Variants in LDLRAD4 observed in about 807,000 individuals in gnomAD.
The protein encoded by LDLRAD4 is low-density lipoprotein receptor class A domain-containing protein 4.
A neutral mutation model predicts 17.0 loss-of-function variants in LDLRAD4; 5 were observed. The ratio of observed to expected loss-of-function variants is 0.29; its 90% CI spans 0.15 to 0.62. LDLRAD4 has a LOEUF of 0.62. Ranked by LOEUF, LDLRAD4 falls within the 20% of genes least tolerant of loss-of-function variation. The pLI is 0.84. For synonymous variants in LDLRAD4, 168 were observed against 171.8 expected, an observed-to-expected ratio of 0.98 and a Z score of 0.17; for missense variants, 340 against 424.7, an observed-to-expected ratio of 0.80 and a Z score of 1.75.
At chr18:13,490,274 A>C (rs1205580035) in intron 3 of LDLRAD4, 1 of 152,238 alleles carries the variant, frequency 6.6e-6, no homozygotes, top group Non-Finnish European at 1.5e-5. Context: ...AAATGCTCAA[A>C]AGTCAGAAAC....
intron 3 of LDLRAD4, chr18:13,585,275 G>C (rs557075129): frequency 6.6e-6 from 1 of 152,284 alleles, no homozygotes; most frequent in South Asian, 2.1e-4. Context: ...TCTGTTACTG[G>C]CTCTCTTTAT....
intron 2 of LDLRAD4, among the ~76,000 whole-genome samples, chr18:13,390,673 CTGACT>C (rs2086203109): frequency 6.6e-6 from 1 of 152,288 alleles, no homozygotes; most frequent in South Asian, 2.1e-4. Flanking sequence ...AAAAAATCAC[CTGACT>C]TGTGCCATTC....
chr18:13,538,593 C>T (rs1378630157), intron 3 of LDLRAD4, among the ~76,000 whole-genome samples: 1 of 151,506 alleles, frequency 6.6e-6, no homozygotes, highest in African/African-American at 2.4e-5. Flanking sequence ...GGCACAATCT[C>T]AGCTCACTGC....
chr18:13,642,009 C>G (rs779504743), intron 4 of LDLRAD4: 1 of 985,276 alleles, frequency 1.0e-6, no homozygotes, highest in Admixed American at 6.1e-5. Flanking sequence ...GCCCCCTTCC[C>G]GCTTCCGCCC....
chr18:13,498,184 CCTT>C (rs1257908454), intron 3 of LDLRAD4, among the ~76,000 whole-genome samples: 1 of 151,736 alleles, frequency 6.6e-6, no homozygotes, highest in Non-Finnish European at 1.5e-5. Context: ...ACTGGAGAAT[CCTT>C]CTCCACACAC....
chr18:13,596,791 A>T (rs897157867), intron 3 of LDLRAD4, among the ~76,000 whole-genome samples: 7 of 152,164 alleles, frequency 4.6e-5, no homozygotes, highest in African/African-American at 1.7e-4. Context: ...TTGAGTTACC[A>T]TCTGGTACCA....
intron 3 of LDLRAD4, among the ~76,000 whole-genome samples, chr18:13,552,018 G>A (rs2094439612): frequency 6.6e-6 from 1 of 152,116 alleles, no homozygotes; most frequent in Non-Finnish European, 1.5e-5. Flanking sequence ...TATCCTGTGA[G>A]CTCATTACTG....
intron 1 of LDLRAD4, among the ~76,000 whole-genome samples, chr18:13,244,334 C>G (rs56191278): frequency 1.3e-5 from 2 of 150,816 alleles, no homozygotes; most frequent in East Asian, 2.0e-4. Context: ...ATCCAACCCA[C>G]GAATCCACCT....
At chr18:13,443,727 C>T (rs557753569) in intron 3 of LDLRAD4, among the ~76,000 whole-genome samples, 1 of 152,268 alleles carries the variant, frequency 6.6e-6, no homozygotes, top group Non-Finnish European at 1.5e-5. Flanking sequence ...TCCTCCTCCC[C>T]CTTCTCCCTT....
intron 3 of LDLRAD4, among the ~76,000 whole-genome samples, chr18:13,455,623 A>C (rs939704191): frequency 1.3e-5 from 2 of 152,128 alleles, no homozygotes; most frequent in Non-Finnish European, 2.9e-5. Flanking sequence ...CTTGAGATAC[A>C]GGCAGAAGGT....
At chr18:13,432,085 G>A (rs893756523) in intron 2 of LDLRAD4, among the ~76,000 whole-genome samples, 6 of 152,162 alleles carry the variant, frequency 3.9e-5, no homozygotes, top group South Asian at 2.1e-4. Context: ...ATAACACGCC[G>A]GTGCAGTCTC....
At chr18:13,387,875 G>A (rs1042432060) in intron 2 of LDLRAD4, 113 bp downstream of exon 3, 12 of 848,394 alleles carry the variant, frequency 1.4e-5, no homozygotes, top group South Asian at 5.5e-5. Context: ...GAAGGCCAAC[G>A]CAGTCAAGGG....
chr18:13,221,565 C>T (rs2041453978), intron 1 of LDLRAD4, among the ~76,000 whole-genome samples: 1 of 152,126 alleles, frequency 6.6e-6, no homozygotes. Context: ...TTTTGGGGGG[C>T]ATTGTTTGCT....
At chr18:13,364,552 G>C (rs984399232) in intron 1 of LDLRAD4, among the ~76,000 whole-genome samples, 2 of 152,026 alleles carry the variant, frequency 1.3e-5, no homozygotes, top group Non-Finnish European at 2.9e-5. Flanking sequence ...GTGTTGTCTA[G>C]GCTGGTCTTG....
intron 3 of LDLRAD4, among the ~76,000 whole-genome samples, chr18:13,598,803 C>T (rs1601626733): frequency 6.6e-6 from 1 of 152,212 alleles, no homozygotes; most frequent in Admixed American, 6.5e-5. Flanking sequence ...GTTGATGCTC[C>T]ACAGCTGGAG....
intron 3 of LDLRAD4, among the ~76,000 whole-genome samples, chr18:13,576,421 C>CAAAAAA (rs60116058): frequency 4.4e-5 from 4 of 90,312 alleles, no homozygotes; most frequent in African/African-American, 8.8e-5. Flanking sequence ...GACTCTGTCT[C>CAAAAAA]AAAAAAAAAA....
chr18:13,278,628 A>C (rs1165995083), intron 1 of LDLRAD4, among the ~76,000 whole-genome samples: 5 of 152,250 alleles, frequency 3.3e-5, no homozygotes, highest in Non-Finnish European at 7.3e-5. Flanking sequence ...GAGAATTTTC[A>C]GGAAGGTAAG....
chr18:13,265,929 C>T (rs1313155072), intron 1 of LDLRAD4, among the ~76,000 whole-genome samples: 2 of 152,158 alleles, frequency 1.3e-5, no homozygotes, highest in African/African-American at 2.4e-5. Flanking sequence ...CCCCTGAGCA[C>T]TCAGCCTCCT....
intron 1 of LDLRAD4, among the ~76,000 whole-genome samples, chr18:13,237,384 C>T (rs1306486164): frequency 6.6e-6 from 1 of 152,186 alleles, no homozygotes; most frequent in Non-Finnish European, 1.5e-5. Flanking sequence ...TAGATGGTCT[C>T]TTAGTTCCCA....
Sources: gnomAD v4.1 joint callset for allele counts (sites outside exome capture counted in the v4.1 genomes callset) on GRCh38, gnomAD v4.1.1 for gene constraint, MANE v1.5 for transcripts, NCBI Gene and HGNC (gene_info 2026-07-23, HGNC 2026-07-21) for gene names.